Variants in ALDH5A1 observed in about 807,000 individuals in gnomAD.
The protein encoded by ALDH5A1 is succinate-semialdehyde dehydrogenase, mitochondrial.
A neutral mutation model predicts 54.7 loss-of-function variants in ALDH5A1; 33 were observed. The observed-to-expected ratio is 0.60, with a 90% CI of 0.46 to 0.81. The LOEUF is 0.81. Among genes scored for constraint, ALDH5A1 ranks in the 30% least tolerant of loss-of-function variants. The probability of loss-of-function intolerance (pLI) is 0.00; values close to 1 mark genes in which losing one functional copy is unlikely to be tolerated. For missense variants in ALDH5A1, 657 were observed against 711.0 expected, an observed-to-expected ratio of 0.92 and a Z score of 0.86; for synonymous variants, 294 against 292.7, an observed-to-expected ratio of 1.00 and a Z score of -0.05.
chr6:24,506,708 A>G (rs1759366041), intron 4 of ALDH5A1, among the ~76,000 whole-genome samples: 1 of 152,082 alleles, frequency 6.6e-6, no homozygotes, highest in African/African-American at 2.4e-5. Flanking sequence ...CTTTTTTGGT[A>G]TTTTCTCTTT....
intron 1 of ALDH5A1, among the ~76,000 whole-genome samples, chr6:24,497,401 G>A (rs372234070): frequency 4.3e-4 from 65 of 150,912 alleles, no homozygotes; most frequent in African/African-American, 1.4e-3. Context: ...GCTACAGAGC[G>A]CTGATTGGTG....
At chr6:24,532,019 T>A (rs953671468) in intron 8 of ALDH5A1, 100 bp from the exon 9 acceptor site, 19 of 1,111,380 alleles carry the variant, frequency 1.7e-5, no homozygotes, top group Non-Finnish European at 2.5e-5. Context: ...AACTCTGATT[T>A]ACTCCTTGTG....
At chr6:24,498,789 C>T (rs1002267971) in intron 1 of ALDH5A1, among the ~76,000 whole-genome samples, 9 of 152,088 alleles carry the variant, frequency 5.9e-5, no homozygotes, top group Admixed American at 3.3e-4. Context: ...CATGGTGAAA[C>T]ACTGTCTCTA....
chr6:24,498,685 T>G (rs1334804701), intron 1 of ALDH5A1, among the ~76,000 whole-genome samples: 1 of 152,148 alleles, frequency 6.6e-6, no homozygotes, highest in Non-Finnish European at 1.5e-5. Flanking sequence ...GGGTTCAGGC[T>G]GGGCACGGTG....
At position 24,503,379 on chromosome 6, in the gene ALDH5A1, C is replaced by T; in HGVS notation, c.555C>T (p.Asp185=). The change falls in exon 3 of 10, where the codon GAC becomes GAT. Residue 185 remains aspartate, a synonymous_variant. Coordinates refer to ENST00000357578, the MANE Select transcript of ALDH5A1 (RefSeq NM_001080.3). ...YGDIIHTPAK[D]RRALVLKQPI... is the part of the protein sequence containing the mutation. ...ACATTATCCACACCCCGGCAAAGGACAGGCGGGCCCTGGTCCTCAAGCAGC... is the reference window on the plus strand; with the variant it reads ...ACATTATCCACACCCCGGCAAAGGATAGGCGGGCCCTGGTCCTCAAGCAGC... 6.2e-7 allele frequency: 1 copy of T among 1,613,992 alleles called. No individual in the cohort carries two copies. The highest frequency in any genetic ancestry group is 8.5e-7 in the Non-Finnish European group (1 of 1,180,020).
chr6:24,536,239 C>T lies in ALDH5A1; in HGVS notation c.*2527C>T, dbSNP rs1760046452. The stretch of plus-strand genomic sequence containing the variant: ...GGCCCACGAATCAAACCTGGCCTGC[C>T]ACCTGTTTTTATACAACCTGTGAGC... On this transcript the variant is annotated 3_prime_UTR_variant, in exon 10 of 10. Coordinates refer to ENST00000357578, the MANE Select transcript of ALDH5A1 (RefSeq NM_001080.3). 6.6e-6 allele frequency: 1 copy of T among 152,192 alleles called. No individual in the cohort carries two copies. The highest frequency in any genetic ancestry group is 2.1e-4 in the South Asian group (1 of 4,826). 9.4% of individuals were successfully genotyped at this position (152,192 alleles called of 1,614,324 possible).
chr6:24,533,448 G>C, intron 9 of ALDH5A1, 59 bp from the exon 10 acceptor site: 5 of 1,563,134 alleles, frequency 3.2e-6, no homozygotes, highest in Non-Finnish European at 4.4e-6. Context: ...CTCATCTTTA[G>C]GCATGATGTC....
At chr6:24,501,722 T>G (rs1457163377) in intron 1 of ALDH5A1, among the ~76,000 whole-genome samples, 1 of 152,046 alleles carries the variant, frequency 6.6e-6, no homozygotes, top group Non-Finnish European at 1.5e-5. Flanking sequence ...TTTTTAAAAT[T>G]TTTTTAAATT....
At chr6:24,527,144 G>A (rs1411340503) in intron 7 of ALDH5A1, among the ~76,000 whole-genome samples, 4 of 151,630 alleles carry the variant, frequency 2.6e-5, no homozygotes, top group African/African-American at 9.7e-5. Context: ...GTGGAGAAGT[G>A]CACTCAAAGT....
chr6:24,525,631 C>A (rs187861059), intron 7 of ALDH5A1, among the ~76,000 whole-genome samples: 1 of 152,152 alleles, frequency 6.6e-6, no homozygotes, highest in African/African-American at 2.4e-5. Context: ...TCTCTTGAAC[C>A]CACGAGGCGG....
In ALDH5A1 at chr6:24,515,594, C is replaced by T. The variant is rs142232926; in HGVS notation, c.870+284C>T. Among the ~76,000 whole-genome samples the T allele has an allele frequency of 0.013, 1,975 of 152,240 alleles. 18 individuals carry two copies. The highest frequency in any genetic ancestry group is 0.022 in the Non-Finnish European group (1,489 of 68,018). Reference sequence around the variant, plus strand: ...ACAATTAACCAGGCATGGTGGTGCACACCCGTAATCCCAGGTACCCAGGTG... The same window carrying T: ...ACAATTAACCAGGCATGGTGGTGCATACCCGTAATCCCAGGTACCCAGGTG... On this transcript the variant is annotated intron_variant, in intron 5 of 9. Transcript: ENST00000357578.
chr6:24,532,254 C>T (rs1759950947), intron 9 of ALDH5A1, 77 bp downstream of exon 9: 2 of 1,461,686 alleles, frequency 1.4e-6, no homozygotes, highest in Admixed American at 3.4e-5. Flanking sequence ...TTTTAAACAT[C>T]ACCCTGGGTT....
intron 4 of ALDH5A1, among the ~76,000 whole-genome samples, chr6:24,514,852 A>G (rs1759531910): frequency 6.6e-6 from 1 of 152,032 alleles, no homozygotes; most frequent in Admixed American, 6.6e-5. Flanking sequence ...GGCTCACTGC[A>G]ACCTCCACCT....
chr6:24,523,528 G>A (rs116417499), intron 7 of ALDH5A1, among the ~76,000 whole-genome samples: 2,389 of 152,252 alleles, frequency 0.016, 34 homozygotes, highest in South Asian at 0.042. Context: ...GTCCCCATGC[G>A]GTCTGTCACT....
chr6:24,514,531 G>A (rs1177589485), intron 4 of ALDH5A1, among the ~76,000 whole-genome samples: 2 of 152,122 alleles, frequency 1.3e-5, no homozygotes, highest in Non-Finnish European at 2.9e-5. Context: ...TTGAGGCCAG[G>A]AGTTCGAGAC....
intron 8 of ALDH5A1, 124 bp from the exon 9 acceptor site, chr6:24,531,995 G>C: frequency 1.2e-6 from 1 of 865,652 alleles, no homozygotes; most frequent in Non-Finnish European, 1.9e-6. Context: ...ATCTGCTCTT[G>C]GATCTCTTTG....
At chr6:24,511,882 AT>A in intron 4 of ALDH5A1, 6 of 596,276 alleles carry the variant, frequency 1.0e-5, no homozygotes, top group Non-Finnish European at 1.2e-5. Context: ...AGCTCATGTG[AT>A]TTTTGGGGGG....
At chr6:24,524,570 C>T (rs1410354514) in intron 7 of ALDH5A1, among the ~76,000 whole-genome samples, 1 of 152,226 alleles carries the variant, frequency 6.6e-6, no homozygotes, top group Non-Finnish European at 1.5e-5. Flanking sequence ...AACCCACATC[C>T]ATTGCCTTGG....
In ALDH5A1 at chr6:24,523,900, T is replaced by G. The variant is rs75461397; in HGVS notation, c.1173+975T>G. On this transcript the variant is annotated intron_variant, in intron 7 of 9. Transcript: ENST00000357578. The stretch of plus-strand genomic sequence containing the variant: ...ATCCATACTACTAGCTATATGAGAC[T>G]TCTCTCCTTATTCTACTGTTTTAAA... Among the ~76,000 whole-genome samples the G allele has an allele frequency of 3.2e-3, 489 of 152,260 alleles. 2 individuals are homozygous for G. Among genetic ancestry groups the G allele is most frequent in the African/African-American group, 0.011 (452 of 41,556 alleles).
Sources: gnomAD v4.1 joint callset for allele counts (sites outside exome capture counted in the v4.1 genomes callset) on GRCh38, gnomAD v4.1.1 for gene constraint, MANE v1.5 for transcripts, NCBI Gene and HGNC (gene_info 2026-07-23, HGNC 2026-07-21) for gene names.